Variants in LRP2 observed in about 807,000 individuals in gnomAD.
The protein encoded by LRP2 is LDL receptor related protein 2, also known as low-density lipoprotein receptor-related protein 2.
A neutral mutation model predicts 531.0 loss-of-function variants in LRP2; 172 were observed. That is an observed-to-expected ratio of 0.32 (90% CI 0.29 to 0.37). The LOEUF (loss-of-function observed/expected upper bound fraction) is 0.37, where lower values mean the gene tolerates loss of function less well. Ranked by LOEUF, LRP2 falls within the 10% of genes least tolerant of loss-of-function variation. The pLI is 1.00. For synonymous variants in LRP2, 1,992 were observed against 2,027.6 expected, an observed-to-expected ratio of 0.98 and a Z score of 0.47; for missense variants, 5,167 against 5,868.3, an observed-to-expected ratio of 0.88 and a Z score of 3.90.
In LRP2 at chr2:169,353,733, A is replaced by G. The variant is rs146551250; in HGVS notation, c.79+8588T>C. ...CAGCCGGGCATGGTGGCTAGCGCCT[A>G]TAATCCCAGCACTTTGGGAAGCTGA... On this transcript the variant is annotated intron_variant, in intron 1 of 78. Transcript: ENST00000649046. Among the ~76,000 whole-genome samples the G allele has an allele frequency of 2.9e-3, 449 of 152,344 alleles. 2 individuals carry two copies. Among genetic ancestry groups the G allele is most frequent in the Non-Finnish European group, 5.2e-3 (352 of 68,032 alleles).
chr2:169,136,642 A>AC (rs1397134903), intron 76 of LRP2, among the ~76,000 whole-genome samples: 16 of 96,202 alleles, frequency 1.7e-4, no homozygotes, highest in African/African-American at 6.2e-4. Flanking sequence ...GCACCTTGTG[A>AC]CCCCCACTCT....
chr2:169,167,877 A>G (rs1017892001), intron 61 of LRP2, among the ~76,000 whole-genome samples: 16 of 151,432 alleles, frequency 1.1e-4, no homozygotes, highest in African/African-American at 3.6e-4. Context: ...AAAAATACGT[A>G]TGTGCAGGCT....
intron 4 of LRP2, among the ~76,000 whole-genome samples, chr2:169,304,647 C>T (rs1472149699): frequency 1.3e-5 from 2 of 152,196 alleles, no homozygotes; most frequent in African/African-American, 2.4e-5. Flanking sequence ...CAGACACACG[C>T]TACCATCTCT....
intron 19 of LRP2, among the ~76,000 whole-genome samples, chr2:169,254,194 G>A (rs62172655): frequency 1.3e-4 from 6 of 45,520 alleles, no homozygotes; most frequent in Non-Finnish European, 1.4e-4. Context: ...ACATGCACAC[G>A]TATGTTTATT....
At chr2:169,262,092 T>C (rs1049191483) in intron 16 of LRP2, among the ~76,000 whole-genome samples, 7 of 151,758 alleles carry the variant, frequency 4.6e-5, no homozygotes, top group Admixed American at 3.3e-4. Flanking sequence ...ATGGGGCATA[T>C]CTCAAAATAA....
intron 1 of LRP2, among the ~76,000 whole-genome samples, chr2:169,360,934 A>C (rs1182492487): frequency 6.6e-6 from 1 of 152,206 alleles, no homozygotes; most frequent in African/African-American, 2.4e-5. Flanking sequence ...ATTTGAATAC[A>C]TGCCACGGCC....
At chr2:169,350,723 CAAA>C (rs35301449) in intron 1 of LRP2, among the ~76,000 whole-genome samples, 15 of 68,204 alleles carry the variant, frequency 2.2e-4, no homozygotes, top group East Asian at 1.2e-3. Flanking sequence ...GACTCCATCG[CAAA>C]AAAAAAAAAA....
intron 1 of LRP2, among the ~76,000 whole-genome samples, chr2:169,353,684 A>T (rs1685914186): frequency 6.6e-6 from 1 of 152,194 alleles, no homozygotes. Flanking sequence ...AACTTTAAGA[A>T]TTTCCTGACA....
In LRP2 at chr2:169,247,359, A is replaced by T; in HGVS notation, c.2908+19T>A. On this transcript the variant is annotated intron_variant, in intron 20 of 78. Coordinates refer to ENST00000649046, the MANE Select transcript of LRP2 (RefSeq NM_004525.3). ...AAACCCATACAAAAAAATAAAAAAA[A>T]CTGGGCAATCTCACTCACCAGTCTG... 6.2e-7 allele frequency: 1 copy of T among 1,613,802 alleles called. No individual in the cohort carries two copies. Among genetic ancestry groups the T allele is most frequent in the Non-Finnish European group, 8.5e-7 (1 of 1,179,966 alleles).
At chr2:169,298,021 C>T (rs567859352) in intron 4 of LRP2, among the ~76,000 whole-genome samples, 6 of 151,958 alleles carry the variant, frequency 3.9e-5, no homozygotes, top group African/African-American at 1.4e-4. Flanking sequence ...AAGTCCAGCC[C>T]AGACACCTGG....
Position 169,160,944 on chromosome 2 carries a change from G to C in LRP2, c.11887+1528C>G, listed in dbSNP as rs370493353. ...TTATTCATACCTCTTCGTAACTCAC[G>C]CAGGAGAAAAATTGATAGAAAATCC... On this transcript the variant is annotated intron_variant, in intron 63 of 78. Coordinates refer to ENST00000649046, the MANE Select transcript of LRP2 (RefSeq NM_004525.3). Among the ~76,000 whole-genome samples, 4 of 152,262 alleles carry C rather than the reference G, an allele frequency of 2.6e-5. 1 individual carries two copies.
In LRP2 at chr2:169,327,399, C is replaced by T. The variant is rs1470571290; in HGVS notation, c.80-6515G>A. Among the ~76,000 whole-genome samples, 17 of 127,038 alleles carry T rather than the reference C, an allele frequency of 1.3e-4. No individual in the cohort carries two copies. The East Asian group carries it at 3.5e-3, about 26-fold the overall frequency. 83.3% of individuals were successfully genotyped at this position (127,038 alleles called of 152,430 possible). A position where few individuals can be genotyped will look rare whatever the true frequency, so the allele number is the denominator to read the frequency against. On this transcript the variant is annotated intron_variant, in intron 1 of 78. Transcript: ENST00000649046. ...CCGCCCCTACTGGGAAGTGAGGAGCCCCTCTGCCGGGCCAGCCACCCCGTC... is the reference window on the plus strand; with the variant it reads ...CCGCCCCTACTGGGAAGTGAGGAGCTCCTCTGCCGGGCCAGCCACCCCGTC...
chr2:169,316,136 T>A (rs1222417253), intron 3 of LRP2, among the ~76,000 whole-genome samples: 3 of 129,956 alleles, frequency 2.3e-5, no homozygotes, highest in Non-Finnish European at 1.6e-5. Context: ...AGCAAGACCC[T>A]GTCTCAAAAA....
rs1183492723 is a variant in LRP2 at position 169,277,756 on chromosome 2, A to G, written c.1761T>C (p.Asp587=). The G allele has an allele frequency of 1.2e-6, 2 of 1,614,042 alleles. No individual in the cohort carries two copies. The highest frequency in any genetic ancestry group is 1.1e-5 in the South Asian group (1 of 91,084). ...RFDYIETVTY[D]GIQRKTVVHG... ...AAAATACTTCTTACCTTTGAATTCCATCATAAGTTACAGTTTCAATGTAAT... is the reference window on the plus strand; with the variant it reads ...AAAATACTTCTTACCTTTGAATTCCGTCATAAGTTACAGTTTCAATGTAAT... The change falls in exon 13 of 79, where the codon GAT becomes GAC. Residue 587 remains aspartate (D), a synonymous_variant. Transcript: ENST00000649046.
chr2:169,196,519 T>C (rs1355859276), intron 46 of LRP2, among the ~76,000 whole-genome samples: 1 of 152,150 alleles, frequency 6.6e-6, no homozygotes, highest in Non-Finnish European at 1.5e-5. Context: ...GCTCCTAATA[T>C]ACTCCTTCCC....
At chr2:169,165,357 C>A (rs62172583) in intron 62 of LRP2, among the ~76,000 whole-genome samples, 3,080 of 152,304 alleles carry the variant, frequency 0.02, 38 homozygotes, top group Non-Finnish European at 0.03. Context: ...AAAAGTACAG[C>A]TATTTCAATG....
intron 31 of LRP2, among the ~76,000 whole-genome samples, chr2:169,231,180 T>C (rs944177794): frequency 6.6e-6 from 1 of 151,466 alleles, no homozygotes; most frequent in African/African-American, 2.4e-5. Flanking sequence ...TATAGTCTCA[T>C]CTACTCAGGA....
chr2:169,346,614 G>A (rs1246571023), intron 1 of LRP2, among the ~76,000 whole-genome samples: 2 of 152,172 alleles, frequency 1.3e-5, no homozygotes, highest in Non-Finnish European at 2.9e-5. Context: ...TGAGGCAGGA[G>A]GGTTACTTGA....
At chr2:169,178,878 A>G (rs1687315178) in intron 52 of LRP2, among the ~76,000 whole-genome samples, 1 of 152,234 alleles carries the variant, frequency 6.6e-6, no homozygotes, top group Admixed American at 6.5e-5. Context: ...AATATTTCCC[A>G]AAATATAATT....
Sources: gnomAD v4.1 joint callset for allele counts (sites outside exome capture counted in the v4.1 genomes callset) on GRCh38, gnomAD v4.1.1 for gene constraint, MANE v1.5 for transcripts, NCBI Gene and HGNC (gene_info 2026-07-23, HGNC 2026-07-21) for gene names.